Variants in AXIN2 observed in about 807,000 individuals in gnomAD.
AXIN2 encodes the protein axin 2, also known as axin-2.
In AXIN2, 21 loss-of-function variants were observed where a neutral mutation model predicts 74.7. That is an observed-to-expected ratio of 0.28 (90% CI 0.20 to 0.40). AXIN2 has a LOEUF of 0.40. Ranked by LOEUF, AXIN2 falls within the 10% of genes least tolerant of loss-of-function variation. AXIN2 has a pLI of 1.00. For synonymous variants in AXIN2, 532 were observed against 454.9 expected, an observed-to-expected ratio of 1.17 and a Z score of -2.16; for missense variants, 1,144 against 1,111.1, an observed-to-expected ratio of 1.03 and a Z score of -0.42.
Position 65,532,951 on chromosome 17 carries a change from C to T in AXIN2, c.2405+961G>A, listed in dbSNP as rs557373755. ...AGCCTGGAGCCCTAAACCTGGGAAA[C>T]CTGGGACAGAACTGGAGCAGAATCC... is the stretch of plus-strand genomic sequence containing the variant. On this transcript the variant is annotated intron_variant, in intron 10 of 10. Transcript: ENST00000307078. Among the ~76,000 whole-genome samples, 71 of 152,344 alleles carry T rather than the reference C, an allele frequency of 4.7e-4. 1 individual carries two copies. In the South Asian group the frequency reaches 6.4e-3, roughly 14 times the overall value.
At chr17:65,549,483 C>A in intron 3 of AXIN2, 37 bp downstream of exon 3, 1 of 1,610,768 alleles carries the variant, frequency 6.2e-7, no homozygotes, top group Non-Finnish European at 8.5e-7. Flanking sequence ...GCATCCACTC[C>A]CAAGCAAGCC....
intron 3 of AXIN2, among the ~76,000 whole-genome samples, chr17:65,546,104 C>A (rs1165018853): frequency 3.3e-5 from 5 of 151,122 alleles, no homozygotes; most frequent in Admixed American, 1.3e-4. Flanking sequence ...AGCCAGCCCC[C>A]CTCCCCAGCC....
Position 65,561,599 on chromosome 17 carries a change from C to T in AXIN2, c.-266G>A, listed in dbSNP as rs2044377857. 1 of 151,940 alleles carries T rather than the reference C, an allele frequency of 6.6e-6. No homozygotes were observed. Among genetic ancestry groups the T allele is most frequent in the African/African-American group, 2.4e-5 (1 of 41,318 alleles). 9.4% of individuals were successfully genotyped at this position (151,940 alleles called of 1,614,324 possible). A position where few individuals can be genotyped will look rare whatever the true frequency, so the allele number is the denominator to read the frequency against. On this transcript the variant is annotated 5_prime_UTR_variant, in exon 1 of 11. Transcript: ENST00000307078. Reference sequence around the variant, plus strand: ...GCGCAGCCGGCTCCAGCCGACTCCCCCGGGCCAGGCTCGCGGAGCCAGTGA... The same window carrying T: ...GCGCAGCCGGCTCCAGCCGACTCCCTCGGGCCAGGCTCGCGGAGCCAGTGA...
At chr17:65,541,405 G>T in intron 4 of AXIN2, 50 bp downstream of exon 4, 1 of 1,504,756 alleles carries the variant, frequency 6.6e-7, no homozygotes, top group Non-Finnish European at 9.3e-7. Flanking sequence ...TTTTCTTTAG[G>T]ACTCAACATG....
intron 1 of AXIN2, chr17:65,561,145 A>G (rs1334790759): frequency 6.7e-6 from 1 of 149,540 alleles, no homozygotes; most frequent in Non-Finnish European, 1.5e-5. Context: ...TCGGCGCACC[A>G]AATGTCCTCC....
chr17:65,542,338 G>T (rs2044056389), intron 3 of AXIN2, among the ~76,000 whole-genome samples: 1 of 152,182 alleles, frequency 6.6e-6, no homozygotes, highest in Admixed American at 6.5e-5. Context: ...TAGACAAAGT[G>T]GATACATAAT....
At position 65,536,738 on chromosome 17, in the gene AXIN2, T is replaced by C. The variant is rs571031207; in HGVS notation, c.1907+131A>G. ...TTTTGTGGTCTGCTCAGTCCAACGT[T>C]TAATATTAAGATGGCAGGAGCAAAT... On this transcript the variant is annotated intron_variant, in intron 7 of 10. Transcript: ENST00000307078. The C allele has an allele frequency of 3.4e-6, 5 of 1,461,668 alleles. No homozygotes were observed. The East Asian group carries it at 1.1e-4, about 33-fold the overall frequency. The allele number at this position is 1,461,668 out of a possible 1,614,324, so 90.5% of individuals were successfully genotyped here.
intron 2 of AXIN2, among the ~76,000 whole-genome samples, chr17:65,551,767 C>T (rs1435916151): frequency 6.6e-6 from 1 of 152,130 alleles, no homozygotes; most frequent in Non-Finnish European, 1.5e-5. Flanking sequence ...TCACAACCAC[C>T]CAAGGAGGTA....
intron 2 of AXIN2, among the ~76,000 whole-genome samples, chr17:65,549,956 AG>A (rs2044168721): frequency 6.6e-6 from 1 of 152,234 alleles, no homozygotes; most frequent in Non-Finnish European, 1.5e-5. Context: ...AAATGCACTT[AG>A]AGGAAGGAAC....
chr17:65,538,996 C>A (rs2043997383), intron 4 of AXIN2, among the ~76,000 whole-genome samples: 1 of 152,280 alleles, frequency 6.6e-6, no homozygotes, highest in Non-Finnish European at 1.5e-5. Context: ...AAGAAAGCTG[C>A]TGCAGGCTAG....
chr17:65,559,773 G>A (rs1157800416), intron 1 of AXIN2, among the ~76,000 whole-genome samples: 1 of 152,218 alleles, frequency 6.6e-6, no homozygotes, highest in East Asian at 1.9e-4. Context: ...ACTAAGAAGG[G>A]TAGGGGCTGA....
At chr17:65,553,833 C>CT (rs1213429068) in intron 2 of AXIN2, among the ~76,000 whole-genome samples, 1 of 86,030 alleles carries the variant, frequency 1.2e-5, no homozygotes, top group East Asian at 3.4e-4. Context: ...CTTGTGATTA[C>CT]TTAAAAAAAA....
chr17:65,535,481 G>T, intron 9 of AXIN2, 145 bp downstream of exon 9: 1 of 796,826 alleles, frequency 1.3e-6, no homozygotes, highest in Non-Finnish European at 2.1e-6. Context: ...CAACATCTAC[G>T]TTTACTGTTC....
intron 5 of AXIN2, 24 bp downstream of exon 5, chr17:65,538,179 G>C: frequency 6.2e-7 from 1 of 1,614,078 alleles, no homozygotes; most frequent in Non-Finnish European, 8.5e-7. Context: ...GACGGAAGCA[G>C]GAAGAAGGCC....
intron 1 of AXIN2, 197 bp downstream of exon 1, chr17:65,561,253 G>C (rs539985495): frequency 6.8e-6 from 1 of 147,224 alleles, no homozygotes; most frequent in Non-Finnish European, 1.5e-5. Flanking sequence ...CGCCGGCCGC[G>C]CCCCGGGCCG....
In AXIN2 at chr17:65,529,981, C is replaced by A; in HGVS notation, c.2527G>T (p.Asp843Tyr). The A allele has an allele frequency of 4.3e-6, 7 of 1,614,192 alleles. No individual in the cohort carries two copies. Among genetic ancestry groups the A allele is most frequent in the Non-Finnish European group, 5.9e-6 (7 of 1,180,030 alleles). The change falls in exon 11 of 11, where the codon GAT (aspartate) becomes TAT (tyrosine). Residue 843 changes from aspartate (D) to tyrosine (Y), a missense_variant. Asp to Tyr is a radical substitution (Grantham distance 160). Coordinates refer to ENST00000307078, the MANE Select transcript of AXIN2 (RefSeq NM_004655.4). Reference protein sequence around the residue: ...GRILGKVERID With the variant: ...GRILGKVERIY ...CCAAAGCCAGACCCCAGGGCTCAAT[C>A]GATCCGCTCCACTTTGCCCAGAATC...
At chr17:65,536,227 G>C in intron 8 of AXIN2, 93 bp downstream of exon 8, 2 of 1,306,254 alleles carry the variant, frequency 1.5e-6, no homozygotes, top group Non-Finnish European at 2.2e-6. Context: ...TTGAGACCCA[G>C]GCAGAAAGAG....
At chr17:65,552,896 C>T (rs148702357) in intron 2 of AXIN2, among the ~76,000 whole-genome samples, 3,677 of 152,052 alleles carry the variant, frequency 0.024, 161 homozygotes, top group African/African-American at 0.085. Context: ...GGCGTGGTGG[C>T]GCGTGCTTGT....
chr17:65,549,385 T>G, intron 3 of AXIN2, 135 bp downstream of exon 3: 1 of 1,089,352 alleles, frequency 9.2e-7, no homozygotes, highest in Non-Finnish European at 1.4e-6. Flanking sequence ...CATACTCCCC[T>G]CCCACCAAAC....
Sources: allele counts gnomAD v4.1 joint callset (sites outside exome capture counted in the v4.1 genomes callset), GRCh38; gene constraint gnomAD v4.1.1; transcripts MANE v1.5; gene names NCBI Gene and HGNC (gene_info 2026-07-23, HGNC 2026-07-21).